VCL: variants seen among roughly 807,000 people sequenced by gnomAD.
VCL encodes the protein epididymis luminal protein 114.
A neutral mutation model predicts 125.7 loss-of-function variants in VCL; 47 were observed. The ratio of observed to expected loss-of-function variants is 0.37; its 90% CI spans 0.30 to 0.48. The LOEUF (loss-of-function observed/expected upper bound fraction) is 0.48. VCL is among the 20% of genes least tolerant of loss of function. VCL has a pLI of 0.99. For missense variants in VCL, 1,069 were observed against 1,455.5 expected (o/e 0.73, Z 4.32); for synonymous variants, 458 against 514.6 (o/e 0.89, Z 1.49).
chr10:74,077,121 C>G (rs934972663), intron 6 of VCL: 1 of 152,520 alleles, frequency 6.6e-6, no homozygotes, highest in African/African-American at 2.4e-5. Context: ...TGTTAGGATG[C>G]TACAAAACTA....
chr10:74,064,374 C>G (rs904386346), intron 2 of VCL, among the ~76,000 whole-genome samples: 15 of 152,160 alleles, frequency 9.9e-5, no homozygotes, highest in Middle Eastern at 3.4e-3. Context: ...TCTAGGGTCC[C>G]CCAGCCACTA....
At chr10:74,028,141 T>C (rs1384735349) in intron 1 of VCL, among the ~76,000 whole-genome samples, 3 of 152,202 alleles carry the variant, frequency 2.0e-5, no homozygotes, top group African/African-American at 7.2e-5. Flanking sequence ...AGTGGTGCAA[T>C]CATAGCTTAC....
intron 1 of VCL, among the ~76,000 whole-genome samples, chr10:73,999,296 G>C (rs2136219074): frequency 6.6e-6 from 1 of 152,276 alleles, no homozygotes; most frequent in South Asian, 2.1e-4. Context: ...TGGGGCATCC[G>C]CTCCCCATCC....
At chr10:74,029,819 G>GT (rs1840841752) in intron 1 of VCL, among the ~76,000 whole-genome samples, 2 of 151,858 alleles carry the variant, frequency 1.3e-5, no homozygotes, top group Admixed American at 6.6e-5. Flanking sequence ...TTTAATTTGT[G>GT]TTTTTTTCTG....
chr10:74,077,978 T>A (rs186076060), intron 6 of VCL, among the ~76,000 whole-genome samples: 328 of 152,262 alleles, frequency 2.2e-3, no homozygotes, highest in Admixed American at 3.7e-3. Context: ...TAGGTTAGCA[T>A]TTTTTTCTGA....
intron 14 of VCL, 112 bp from the exon 15 acceptor site, chr10:74,103,708 A>G (rs1423272481): frequency 1.0e-6 from 1 of 997,578 alleles, no homozygotes; most frequent in Non-Finnish European, 1.6e-6. Flanking sequence ...GAGACTTGCC[A>G]CTTTCTGGCT....
chr10:74,051,260 G>A (rs926054947), intron 2 of VCL, among the ~76,000 whole-genome samples: 8 of 151,694 alleles, frequency 5.3e-5, no homozygotes, highest in Admixed American at 2.6e-4. Context: ...TGTTTTAGAC[G>A]GAGTCTTGCT....
At position 74,107,242 on chromosome 10, in the gene VCL, G is replaced by A; in HGVS notation, c.2447G>A (p.Ser816Asn). ...GTCTTGTGTTTAGGACTGCAAAAGA[G>A]CTTCCTGGACTCAGGATATCGGATC... Reference protein sequence around the residue: ...GNISDPGLQKSFLDSGYRILG... With the variant: ...GNISDPGLQKNFLDSGYRILG... The change falls in exon 17 of 22, where the codon AGC (serine) becomes AAC (asparagine). Residue 816 changes from serine (S) to asparagine (N), a missense_variant. This residue lies in a region of VCL where 760 missense variants were observed against 928.9 expected (regional missense o/e 0.82). Coordinates refer to ENST00000211998, the MANE Select transcript of VCL (RefSeq NM_014000.3). The A allele has an allele frequency of 6.2e-7, 1 of 1,614,216 alleles. No homozygotes were observed. Among genetic ancestry groups the A allele is most frequent in the Non-Finnish European group, 8.5e-7 (1 of 1,180,038 alleles).
intron 19 of VCL, among the ~76,000 whole-genome samples, chr10:74,113,941 C>T (rs1840270165): frequency 6.6e-6 from 1 of 152,052 alleles, no homozygotes; most frequent in South Asian, 2.1e-4. Flanking sequence ...CCTCTCCTTT[C>T]CCCCTCCTCT....
chr10:74,100,288 G>T (rs1471700108), intron 13 of VCL, among the ~76,000 whole-genome samples: 1 of 152,200 alleles, frequency 6.6e-6, no homozygotes, highest in Non-Finnish European at 1.5e-5. Flanking sequence ...CCTGTTAAAG[G>T]AAACATTAAC....
Position 74,118,216 on chromosome 10 carries a change from G to C in VCL, c.*47G>C, listed in dbSNP as rs766538575. The C allele has an allele frequency of 3.1e-6, 5 of 1,612,744 alleles. No individual in the cohort carries two copies. The Middle Eastern group carries it at 5.0e-4, about 160-fold the overall frequency. On this transcript the variant is annotated 3_prime_UTR_variant, in exon 22 of 22. Transcript: ENST00000211998. ...GCACAGAAACCTCTACTAAAAAGAA[G>C]GAAAATGATCTGAGTCCCAGGAGCT...
chr10:74,082,728 G>A (rs1201349824), intron 7 of VCL, among the ~76,000 whole-genome samples, 184 bp downstream of exon 7: 6 of 152,194 alleles, frequency 3.9e-5, no homozygotes, highest in Non-Finnish European at 8.8e-5. Flanking sequence ...AGGATGAAGG[G>A]AATAGATTCG....
intron 1 of VCL, among the ~76,000 whole-genome samples, chr10:74,009,747 C>T (rs1048795784): frequency 1.3e-5 from 2 of 150,896 alleles, no homozygotes; most frequent in African/African-American, 4.9e-5. Flanking sequence ...GTAGCTGGGA[C>T]TACAGGCATG....
intron 5 of VCL, among the ~76,000 whole-genome samples, chr10:74,074,203 T>A (rs1350601079): frequency 6.6e-6 from 1 of 152,204 alleles, no homozygotes; most frequent in Non-Finnish European, 1.5e-5. Context: ...GCCGAAAGTG[T>A]TGGGATTACA....
chr10:74,091,550 G>A (rs1371938577), intron 10 of VCL, among the ~76,000 whole-genome samples: 1 of 152,048 alleles, frequency 6.6e-6, no homozygotes, highest in East Asian at 1.9e-4. Flanking sequence ...GAGGCTGAGG[G>A]CGTGTGGATC....
intron 1 of VCL, among the ~76,000 whole-genome samples, chr10:74,018,181 T>TATATATATATATATATATATAAATAC (rs1565634795): frequency 2.3e-5 from 3 of 131,834 alleles, no homozygotes; most frequent in African/African-American, 8.7e-5. Context: ...ATATAGGATA[T>TATATATATATATATATATATAAATAC]ATATATATAT....
chr10:74,002,155 C>T (rs1227876057), intron 1 of VCL, among the ~76,000 whole-genome samples: 4 of 152,084 alleles, frequency 2.6e-5, no homozygotes, highest in South Asian at 4.1e-4. Flanking sequence ...GATGGAGTTA[C>T]GCTCTTATTG....
At chr10:74,036,266 G>A (rs1035385557) in intron 1 of VCL, among the ~76,000 whole-genome samples, 1 of 151,942 alleles carries the variant, frequency 6.6e-6, no homozygotes, top group Non-Finnish European at 1.5e-5. Flanking sequence ...GCCATGGCAC[G>A]ATCTCGGCTC....
At chr10:74,009,537 G>C (rs1007385236) in intron 1 of VCL, among the ~76,000 whole-genome samples, 4 of 152,092 alleles carry the variant, frequency 2.6e-5, no homozygotes, top group Non-Finnish European at 4.4e-5. Flanking sequence ...GGGATTACAG[G>C]CATGAGCCAC....
Sources: gnomAD v4.1 joint callset for allele counts (sites outside exome capture counted in the v4.1 genomes callset) on GRCh38, gnomAD v4.1.1 for gene constraint, gnomAD v4.1.1 regional missense constraint, MANE v1.5 for transcripts, NCBI Gene and HGNC (gene_info 2026-07-23, HGNC 2026-07-21) for gene names.